The following KIAA1328 variants were observed in gnomAD, a reference collection of about 807,000 sequenced individuals.
KIAA1328 encodes the protein protein hinderin.
A neutral mutation model predicts 68.1 loss-of-function variants in KIAA1328; 52 were observed. That is an observed-to-expected ratio of 0.76 (90% CI 0.61 to 0.96). The LOEUF is 0.96. Ranked by LOEUF, KIAA1328 falls within the 40% of genes least tolerant of loss-of-function variation. The pLI is 0.00. For synonymous variants in KIAA1328, 232 were observed against 239.4 expected (o/e 0.97, Z 0.28); for missense variants, 641 against 677.6 (o/e 0.95, Z 0.60).
intron 6 of KIAA1328, among the ~76,000 whole-genome samples, chr18:36,974,951 A>C (rs532902337): frequency 2.0e-5 from 3 of 152,296 alleles, no homozygotes; most frequent in African/African-American, 7.2e-5. Context: ...TGGAACAGCA[A>C]GTCTTGATCT....
chr18:37,226,872 A>G (rs903075701), downstream of KIAA1328, among the ~76,000 whole-genome samples: 2 of 151,968 alleles, frequency 1.3e-5, no homozygotes, highest in African/African-American at 2.4e-5. Flanking sequence ...GGTTCAAGCA[A>G]TTCTTCTGCC....
intron 6 of KIAA1328, among the ~76,000 whole-genome samples, chr18:36,997,570 C>G (rs1457943563): frequency 6.6e-6 from 1 of 152,110 alleles, no homozygotes; most frequent in Non-Finnish European, 1.5e-5. Context: ...TGCACTGGGT[C>G]CCACACCCTT....
chr18:37,142,239 C>T (rs2058782417), intron 7 of KIAA1328, among the ~76,000 whole-genome samples: 1 of 151,944 alleles, frequency 6.6e-6, no homozygotes, highest in Admixed American at 6.6e-5. Context: ...TCACCCAGGC[C>T]GGATTGCAGT....
chr18:36,986,028 C>T (rs2052908802), intron 6 of KIAA1328, among the ~76,000 whole-genome samples: 2 of 152,112 alleles, frequency 1.3e-5, no homozygotes, highest in African/African-American at 4.8e-5. Flanking sequence ...TAAAATTGTA[C>T]AACTACCCTG....
intron 7 of KIAA1328, among the ~76,000 whole-genome samples, chr18:37,079,343 G>T (rs1344720591): frequency 8.4e-6 from 1 of 119,482 alleles, no homozygotes; most frequent in South Asian, 2.3e-4. Context: ...GGTGGGGGGA[G>T]AGGGGAGGGA....
At chr18:36,929,045 G>A (rs1269605278) in intron 5 of KIAA1328, among the ~76,000 whole-genome samples, 6 of 152,090 alleles carry the variant, frequency 3.9e-5, no homozygotes, top group African/African-American at 2.4e-5. Flanking sequence ...ATTTCCATTT[G>A]ATTCTTATTA....
chr18:37,084,657 C>T (rs1344750090), intron 7 of KIAA1328, among the ~76,000 whole-genome samples: 2 of 151,994 alleles, frequency 1.3e-5, no homozygotes, highest in South Asian at 2.1e-4. Flanking sequence ...CAATATTTAT[C>T]TATTAGTCTG....
At chr18:37,024,791 G>C (rs925704103) in intron 6 of KIAA1328, among the ~76,000 whole-genome samples, 1 of 152,028 alleles carries the variant, frequency 6.6e-6, no homozygotes, top group Non-Finnish European at 1.5e-5. Context: ...TGGACATTTC[G>C]GTTGGTTCCA....
chr18:36,989,286 T>C (rs1350262010), intron 6 of KIAA1328, among the ~76,000 whole-genome samples: 1 of 152,180 alleles, frequency 6.6e-6, no homozygotes, highest in African/African-American at 2.4e-5. Flanking sequence ...AGAATAAAAT[T>C]TGTAGCCATC....
intron 7 of KIAA1328, among the ~76,000 whole-genome samples, chr18:37,070,780 G>A (rs1320813427): frequency 6.6e-6 from 1 of 151,992 alleles, no homozygotes; most frequent in Non-Finnish European, 1.5e-5. Flanking sequence ...GTTTTACCAT[G>A]TTGGCCAGGC....
At chr18:36,872,916 G>C (rs1365361646) in intron 4 of KIAA1328, among the ~76,000 whole-genome samples, 4 of 152,146 alleles carry the variant, frequency 2.6e-5, no homozygotes, top group Non-Finnish European at 2.9e-5. Context: ...TTGTTTGATT[G>C]AAAGGTTTTG....
At chr18:36,967,902 A>G (rs1378219554) in intron 6 of KIAA1328, among the ~76,000 whole-genome samples, 1 of 152,218 alleles carries the variant, frequency 6.6e-6, no homozygotes, top group Non-Finnish European at 1.5e-5. Context: ...AATGAAAGGG[A>G]ATGAAGAAAA....
chr18:36,830,218 CAT>C (rs745605080), intron 1 of KIAA1328, among the ~76,000 whole-genome samples: 1 of 151,976 alleles, frequency 6.6e-6, no homozygotes, highest in Non-Finnish European at 1.5e-5. Context: ...GGATTAGTGT[CAT>C]GTGTAGAGAG....
chr18:37,085,467 C>G (rs966949826), intron 7 of KIAA1328, among the ~76,000 whole-genome samples: 2 of 152,246 alleles, frequency 1.3e-5, no homozygotes, highest in Middle Eastern at 3.4e-3. Flanking sequence ...GTTTACATAG[C>G]TCTTAAAAAG....
intron 7 of KIAA1328, among the ~76,000 whole-genome samples, chr18:37,099,459 A>T (rs8097808): frequency 0.015 from 2,227 of 152,128 alleles, 58 homozygotes; most frequent in Admixed American, 0.061. Context: ...TTAATTTCTG[A>T]TCTTTTACAT....
chr18:37,046,472 G>C (rs1279366293), intron 6 of KIAA1328, among the ~76,000 whole-genome samples: 2 of 152,026 alleles, frequency 1.3e-5, no homozygotes, highest in African/African-American at 4.8e-5. Context: ...ACTACTTAAA[G>C]CTCCTCTTGG....
At chr18:37,186,646 A>T (rs1000275692) in intron 9 of KIAA1328, among the ~76,000 whole-genome samples, 1 of 151,092 alleles carries the variant, frequency 6.6e-6, no homozygotes, top group Admixed American at 6.6e-5. Flanking sequence ...TTCTGGATCT[A>T]TGTTCTCACC....
At chr18:36,901,601 T>C (rs1197816045) in intron 5 of KIAA1328, among the ~76,000 whole-genome samples, 1 of 152,044 alleles carries the variant, frequency 6.6e-6, no homozygotes, top group Non-Finnish European at 1.5e-5. Flanking sequence ...GTGGACCTTT[T>C]CCTTTCTTAT....
intron 7 of KIAA1328, among the ~76,000 whole-genome samples, chr18:37,136,365 G>T (rs2058644519): frequency 6.6e-6 from 1 of 151,984 alleles, no homozygotes; most frequent in South Asian, 2.1e-4. Flanking sequence ...GATATTTTTT[G>T]GCATACTGTA....
Sources: gnomAD v4.1 joint callset for allele counts (sites outside exome capture counted in the v4.1 genomes callset) on GRCh38, gnomAD v4.1.1 for gene constraint, MANE v1.5 for transcripts, NCBI Gene and HGNC (gene_info 2026-07-23, HGNC 2026-07-21) for gene names.